The following LY6G5B variants were observed in gnomAD, a reference collection of about 807,000 sequenced individuals.
The protein encoded by LY6G5B is lymphocyte antigen 6 complex locus protein G5b.
A neutral mutation model predicts 6.7 loss-of-function variants in LY6G5B; 6 were observed. The observed-to-expected ratio is 0.89, with a 90% CI of 0.49 to 1.76. LY6G5B has a LOEUF of 1.76. LY6G5B is among the 40% of genes most tolerant of loss of function. The pLI, the probability that LY6G5B is intolerant of heterozygous loss-of-function variation, is 0.01. For synonymous variants in LY6G5B, 98 were observed against 99.4 expected, an observed-to-expected ratio of 0.99 and a Z score of 0.09; for missense variants, 240 against 249.5, an observed-to-expected ratio of 0.96 and a Z score of 0.26.
chr6:31,670,921 A>G, exon 1 of LY6G5B: 1 of 1,577,140 alleles, frequency 6.3e-7, no homozygotes, highest in Non-Finnish European at 8.6e-7. Context: ...GCATCCCCTC[A>G]GGAACTGCCC....
chr6:31,673,371 C>G (rs973214998), exon 3 of LY6G5B: 2 of 152,948 alleles, frequency 1.3e-5, no homozygotes, highest in Admixed American at 6.5e-5. Context: ...TAGTGTTGTT[C>G]TGCCTCCTGT....
exon 3 of LY6G5B, chr6:31,672,096 G>A: frequency 6.2e-7 from 1 of 1,613,064 alleles, no homozygotes; most frequent in Non-Finnish European, 8.5e-7. Context: ...ACCAGGCCCT[G>A]AACCTCTCCC....
exon 3 of LY6G5B, chr6:31,672,081 G>T: frequency 1.2e-6 from 2 of 1,613,006 alleles, no homozygotes; most frequent in Non-Finnish European, 8.5e-7. Context: ...AGATTCAGTG[G>T]TTCTACCAGG....
chr6:31,672,113 T>TC lies in LY6G5B; in HGVS notation c.441dup (p.Asn148GlnfsTer9), dbSNP rs1397120705. On this transcript the variant is annotated frameshift_variant, in exon 3 of 3. Transcript: ENST00000375864. LOFTEE classifies it low-confidence loss of function (END_TRUNC). Reference sequence around the variant, plus strand: ...CAGGCCCTGAACCTCTCCCTGCCCCTCCCCAATTTCCATGCTGGGACGGAG... The same window carrying TC: ...CAGGCCCTGAACCTCTCCCTGCCCCTCCCCCAATTTCCATGCTGGGACGGAG... 1 of 1,612,976 alleles carries TC rather than the reference T, an allele frequency of 6.2e-7. No homozygotes were observed. The highest frequency in any genetic ancestry group is 8.5e-7 in the Non-Finnish European group (1 of 1,180,004).
chr6:31,670,968 T>G, exon 1 of LY6G5B: 2 of 1,611,200 alleles, frequency 1.2e-6, no homozygotes, highest in Non-Finnish European at 1.7e-6. Context: ...TCCATATGCT[T>G]GTAGGTGTGC....
chr6:31,671,375 G>A, intron 2 of LY6G5B, 91 bp downstream of exon 2: 5 of 1,576,326 alleles, frequency 3.2e-6, no homozygotes, highest in Middle Eastern at 3.8e-4. Flanking sequence ...CCGGGCATGG[G>A]GTACAAGAAG....
exon 1 of LY6G5B, chr6:31,670,617 A>G: frequency 2.9e-6 from 1 of 343,696 alleles, no homozygotes; most frequent in East Asian, 4.8e-5. Flanking sequence ...GGACTTTCCA[A>G]GGGAGGGAAT....
intron 2 of LY6G5B, 89 bp downstream of exon 2, chr6:31,671,373 G>A: frequency 1.3e-6 from 2 of 1,582,626 alleles, no homozygotes; most frequent in Non-Finnish European, 8.6e-7. Flanking sequence ...CTCCGGGCAT[G>A]GGGTACAAGA....
exon 3 of LY6G5B, chr6:31,671,864 A>T (rs770831041): frequency 1.2e-6 from 2 of 1,603,832 alleles, no homozygotes; most frequent in Admixed American, 1.7e-5. Flanking sequence ...TCTCCCTCAG[A>T]TGTCAAGGTT....
chr6:31,672,002 G>T (rs1583620881), exon 3 of LY6G5B: 1 of 1,613,108 alleles, frequency 6.2e-7, no homozygotes, highest in South Asian at 1.1e-5. Flanking sequence ...TCCTGGTCAA[G>T]CCCCCAACTC....
At chr6:31,670,117 G>A (rs555353057), upstream of LY6G5B, 3 of 602,944 alleles carry the variant, frequency 5.0e-6, no homozygotes, top group Non-Finnish European at 8.6e-6. Flanking sequence ...GTGATGGTGT[G>A]TTGGACTCCA....
exon 3 of LY6G5B, chr6:31,672,125 A>G: frequency 6.2e-7 from 1 of 1,612,820 alleles, no homozygotes; most frequent in Non-Finnish European, 8.5e-7. Flanking sequence ...CCCAATTTCC[A>G]TGCTGGGACG....
intron 2 of LY6G5B, 126 bp from the exon 3 acceptor site, chr6:31,671,737 GC>G: frequency 8.7e-7 from 1 of 1,155,502 alleles, no homozygotes. Context: ...CACTTTTCTA[GC>G]CTCTTGAAGG....
At chr6:31,672,336 C>T in exon 3 of LY6G5B, 1 of 1,534,380 alleles carries the variant, frequency 6.5e-7, no homozygotes, top group Non-Finnish European at 8.8e-7. Flanking sequence ...GCACTGCCCT[C>T]TCTGAAAACA....
chr6:31,670,928 G>T, exon 1 of LY6G5B: 1 of 1,585,570 alleles, frequency 6.3e-7, no homozygotes, highest in Non-Finnish European at 8.6e-7. Context: ...CTCAGGAACT[G>T]CCCATCTCCC....
exon 1 of LY6G5B, chr6:31,670,998 A>C: frequency 1.2e-6 from 2 of 1,612,702 alleles, no homozygotes; most frequent in Non-Finnish European, 1.7e-6. Flanking sequence ...TGGGCTTCAC[A>C]GTAGGAAAGG....
exon 3 of LY6G5B, chr6:31,671,980 G>A (rs805267): frequency 0.045 from 73,189 of 1,612,962 alleles, 3,216 homozygotes; most frequent in African/African-American, 0.2. Flanking sequence ...CTGTCAGTAC[G>A]ATTATTGCAA....
chr6:31,672,597 AC>A, exon 3 of LY6G5B: 1 of 349,480 alleles, frequency 2.9e-6, no homozygotes, highest in Non-Finnish European at 5.2e-6. Flanking sequence ...GGCGTGCACC[AC>A]CACGCCTGGC....
intron 1 of LY6G5B, 25 bp from the exon 2 acceptor site, chr6:31,671,131 T>A: frequency 6.2e-7 from 1 of 1,613,740 alleles, no homozygotes; most frequent in Non-Finnish European, 8.5e-7. Context: ...ACCCAGTGCC[T>A]CCATCCCTCC....
Sources: allele counts gnomAD v4.1 joint callset, GRCh38; gene constraint gnomAD v4.1.1; transcripts MANE v1.5; gene names NCBI Gene and HGNC (gene_info 2026-07-23, HGNC 2026-07-21).